Variants in ANO6 observed in about 807,000 individuals in gnomAD.
ANO6 encodes the protein anoctamin-6.
A neutral mutation model predicts 117.5 loss-of-function variants in ANO6; 106 were observed. The ratio of observed to expected loss-of-function variants is 0.90; its 90% confidence interval spans 0.77 to 1.06. The LOEUF (loss-of-function observed/expected upper bound fraction) is 1.06, where lower values mean the gene tolerates loss of function less well. Ranked by LOEUF, ANO6 falls within the 50% of genes least tolerant of loss-of-function variation. ANO6 has a pLI of 0.00. For synonymous variants in ANO6, 367 were observed against 385.1 expected, an observed-to-expected ratio of 0.95 and a Z score of 0.55; for missense variants, 955 against 1,121.1, an observed-to-expected ratio of 0.85 and a Z score of 2.12.
At chr12:45,368,860 T>A (rs1412814001) in intron 9 of ANO6, among the ~76,000 whole-genome samples, 3 of 152,192 alleles carry the variant, frequency 2.0e-5, no homozygotes, top group African/African-American at 7.2e-5. Context: ...TTACCACTTT[T>A]GACATATACA....
At chr12:45,420,915 C>G (rs1943342794) in intron 17 of ANO6, among the ~76,000 whole-genome samples, 156 bp from the exon 18 acceptor site, 2 of 152,166 alleles carry the variant, frequency 1.3e-5, no homozygotes, top group Non-Finnish European at 2.9e-5. Flanking sequence ...ATCCCAGCTA[C>G]TCAGGAGGCT....
chr12:45,279,631 G>A (rs1229026401), intron 1 of ANO6, among the ~76,000 whole-genome samples: 1 of 152,150 alleles, frequency 6.6e-6, no homozygotes, highest in Non-Finnish European at 1.5e-5. Flanking sequence ...AAAGCCCCTG[G>A]GTCAGTGTTT....
chr12:45,391,402 C>G (rs1316157606), intron 12 of ANO6, among the ~76,000 whole-genome samples: 4 of 151,966 alleles, frequency 2.6e-5, no homozygotes, highest in Non-Finnish European at 5.9e-5. Context: ...AGAAATAGCC[C>G]CTGATAGCAA....
chr12:45,255,826 T>TTTTTTTG (rs1437136235), intron 1 of ANO6, among the ~76,000 whole-genome samples: 2 of 145,820 alleles, frequency 1.4e-5, no homozygotes, highest in Non-Finnish European at 3.0e-5. Context: ...GTGTTTTTTT[T>TTTTTTTG]TTTTTTTTTT....
intron 3 of ANO6, among the ~76,000 whole-genome samples, chr12:45,341,086 A>G (rs1387649025): frequency 6.6e-6 from 1 of 152,194 alleles, no homozygotes; most frequent in African/African-American, 2.4e-5. Flanking sequence ...CCTTGATACA[A>G]CTGTTTTAAG....
intron 9 of ANO6, among the ~76,000 whole-genome samples, chr12:45,377,226 G>GT (rs1332213995): frequency 1.3e-5 from 2 of 150,420 alleles, no homozygotes. Context: ...TAATATGCTT[G>GT]TCACTTTTTC....
intron 10 of ANO6, among the ~76,000 whole-genome samples, chr12:45,385,100 C>T (rs939236044): frequency 6.6e-5 from 10 of 152,010 alleles, no homozygotes; most frequent in Non-Finnish European, 1.0e-4. Context: ...TGCATTCATT[C>T]GTTACATGCC....
intron 12 of ANO6, among the ~76,000 whole-genome samples, chr12:45,392,657 G>A (rs1307418446): frequency 6.6e-6 from 1 of 152,180 alleles, no homozygotes; most frequent in African/African-American, 2.4e-5. Flanking sequence ...CCAGAGGAAG[G>A]ATCAGGCAGC....
intron 19 of ANO6, among the ~76,000 whole-genome samples, chr12:45,425,604 G>T (rs1943482308): frequency 6.6e-6 from 1 of 152,204 alleles, no homozygotes; most frequent in Non-Finnish European, 1.5e-5. Flanking sequence ...AAAGAAGGTA[G>T]CTATAAACCT....
In ANO6 at chr12:45,334,497, T is replaced by A. The variant is rs556226513; in HGVS notation, c.279+3074T>A. 6.6e-5 allele frequency among the ~76,000 whole-genome samples: 10 copies of A among 152,158 alleles called. No individual in the cohort carries two copies. In the South Asian group the frequency reaches 1.0e-3, roughly 16 times the overall value. On this transcript the variant is annotated intron_variant, in intron 3 of 19. Transcript: ENST00000320560. Reference sequence around the variant, plus strand: ...CAGAGGCAGAGAGAAGGAATGCCCCTTCTCAGGGCTGTTTTTTAAGAGGGA... The same window carrying A: ...CAGAGGCAGAGAGAAGGAATGCCCCATCTCAGGGCTGTTTTTTAAGAGGGA...
At chr12:45,353,344 C>T (rs1445391328) in intron 7 of ANO6, among the ~76,000 whole-genome samples, 1 of 152,008 alleles carries the variant, frequency 6.6e-6, no homozygotes, top group Non-Finnish European at 1.5e-5. Flanking sequence ...GATATTTGTA[C>T]ATATGTAAAT....
chr12:45,224,280 C>T (rs964714320), intron 1 of ANO6, among the ~76,000 whole-genome samples: 5 of 152,236 alleles, frequency 3.3e-5, no homozygotes, highest in Middle Eastern at 3.4e-3. Context: ...GACAGCAGAG[C>T]GTCCTGAGTG....
intron 16 of ANO6, among the ~76,000 whole-genome samples, chr12:45,413,226 C>CT (rs1371171325): frequency 1.3e-5 from 2 of 152,120 alleles, no homozygotes; most frequent in African/African-American, 4.8e-5. Flanking sequence ...ATTTAGGAGG[C>CT]TACAGCAGGT....
chr12:45,274,097 T>C (rs1938472809), intron 1 of ANO6, among the ~76,000 whole-genome samples: 1 of 152,166 alleles, frequency 6.6e-6, no homozygotes, highest in Admixed American at 6.5e-5. Context: ...TGGATCCTTC[T>C]CTTCTTCTGG....
chr12:45,279,391 C>G (rs1462500025), intron 1 of ANO6, among the ~76,000 whole-genome samples: 4 of 152,232 alleles, frequency 2.6e-5, no homozygotes, highest in Admixed American at 1.3e-4. Flanking sequence ...GTTACTGTCT[C>G]TCCTCCTCTA....
chr12:45,269,216 A>G (rs1296641517), intron 1 of ANO6, among the ~76,000 whole-genome samples: 2 of 152,192 alleles, frequency 1.3e-5, no homozygotes, highest in African/African-American at 4.8e-5. Context: ...TTTCTGACTC[A>G]TTTCAGGAAA....
intron 1 of ANO6, among the ~76,000 whole-genome samples, chr12:45,299,862 AAAAG>A: frequency 6.6e-6 from 1 of 152,278 alleles, no homozygotes; most frequent in Middle Eastern, 3.4e-3. Flanking sequence ...AAAAAAAAGA[AAAAG>A]AAAAAGAAAA....
chr12:45,228,776 T>C (rs1220054806), intron 1 of ANO6, among the ~76,000 whole-genome samples: 2 of 152,272 alleles, frequency 1.3e-5, no homozygotes, highest in East Asian at 3.9e-4. Context: ...TTTGACCTCT[T>C]CATCCTTCCC....
intron 9 of ANO6, among the ~76,000 whole-genome samples, chr12:45,373,940 TCAA>T (rs1474445065): frequency 1.3e-5 from 2 of 151,980 alleles, no homozygotes; most frequent in African/African-American, 2.4e-5. Context: ...TTTTGAAAGA[TCAA>T]CAAAATAGAT....
Sources: gnomAD v4.1 joint callset for allele counts (sites outside exome capture counted in the v4.1 genomes callset) on GRCh38, gnomAD v4.1.1 for gene constraint, MANE v1.5 for transcripts, NCBI Gene and HGNC (gene_info 2026-07-23, HGNC 2026-07-21) for gene names.